The following SDCCAG8 variants were observed in gnomAD, a reference collection of about 807,000 sequenced individuals.
The protein encoded by SDCCAG8 is serologically defined colon cancer antigen 8.
Under a neutral mutation model 101.8 loss-of-function variants are expected in SDCCAG8, and 74 were observed. The ratio of observed to expected loss-of-function variants is 0.73; its 90% CI spans 0.60 to 0.88. The LOEUF (loss-of-function observed/expected upper bound fraction) is 0.88. Ranked by LOEUF, SDCCAG8 falls within the 40% of genes least tolerant of loss-of-function variation. SDCCAG8 has a pLI of 0.00. For synonymous variants in SDCCAG8, 281 were observed against 292.9 expected, an observed-to-expected ratio of 0.96 and a Z score of 0.41; for missense variants, 787 against 822.6, an observed-to-expected ratio of 0.96 and a Z score of 0.53.
chr1:243,361,637 T>C (rs2076716649), intron 12 of SDCCAG8, among the ~76,000 whole-genome samples: 1 of 152,208 alleles, frequency 6.6e-6, no homozygotes, highest in Non-Finnish European at 1.5e-5. Context: ...GTGGTTTGCC[T>C]TTAGCTTCTC....
At chr1:243,303,666 T>C (rs530927115) in intron 6 of SDCCAG8, among the ~76,000 whole-genome samples, 2 of 152,364 alleles carry the variant, frequency 1.3e-5, no homozygotes, top group East Asian at 3.9e-4. Flanking sequence ...TTTCTTGTAA[T>C]AATATAGTAT....
intron 12 of SDCCAG8, among the ~76,000 whole-genome samples, chr1:243,357,365 C>T (rs190028391): frequency 3.2e-4 from 48 of 151,516 alleles, no homozygotes; most frequent in South Asian, 1.0e-3. Context: ...GGCAACAGAG[C>T]GAGACTCTGT....
At chr1:243,429,264 T>C (rs1468691360) in intron 16 of SDCCAG8, among the ~76,000 whole-genome samples, 1 of 152,238 alleles carries the variant, frequency 6.6e-6, no homozygotes, top group East Asian at 1.9e-4. Context: ...ATTTTCTTAA[T>C]ATTTTTTCTA....
At chr1:243,447,782 G>A (rs1297931653) in intron 16 of SDCCAG8, among the ~76,000 whole-genome samples, 1 of 152,112 alleles carries the variant, frequency 6.6e-6, no homozygotes, top group Non-Finnish European at 1.5e-5. Flanking sequence ...TTAAGTTATA[G>A]TTCAAATAAT....
At chr1:243,340,286 G>A (rs2075307713) in intron 10 of SDCCAG8, among the ~76,000 whole-genome samples, 1 of 152,176 alleles carries the variant, frequency 6.6e-6, no homozygotes, top group Admixed American at 6.6e-5. Flanking sequence ...ATGCCATAGT[G>A]ATATTCAAAA....
intron 16 of SDCCAG8, among the ~76,000 whole-genome samples, chr1:243,432,680 A>G (rs902635821): frequency 4.6e-5 from 7 of 152,294 alleles, no homozygotes; most frequent in Non-Finnish European, 1.0e-4. Flanking sequence ...TTTCAAATCT[A>G]TGTTTTAGAG....
chr1:243,267,714 G>A (rs1414978429), intron 1 of SDCCAG8: 6 of 794,194 alleles, frequency 7.6e-6, no homozygotes, highest in Non-Finnish European at 1.2e-5. Flanking sequence ...GTTCCTGTGT[G>A]TGTACATGGT....
chr1:243,400,273 A>T (rs927980635), intron 13 of SDCCAG8, among the ~76,000 whole-genome samples: 4 of 152,220 alleles, frequency 2.6e-5, no homozygotes, highest in African/African-American at 9.6e-5. Flanking sequence ...AAGCTTTTCT[A>T]TCAAATCTCC....
In SDCCAG8 at chr1:243,284,887, A is replaced by AT. The variant is rs34516507; in HGVS notation, c.421-1372dup. ...CCTTCTATGACTGGGTCTTCCTGGA[A>AT]TTTTTTTTTTTTTGAGACGGAGTCT... On this transcript the variant is annotated intron_variant, in intron 4 of 17. Coordinates refer to ENST00000366541, the MANE Select transcript of SDCCAG8 (RefSeq NM_006642.5). 3.4e-3 allele frequency among the ~76,000 whole-genome samples: 504 copies of AT among 146,096 alleles called. 2 individuals are homozygous for AT. Among genetic ancestry groups the AT allele is most frequent in the African/African-American group, 4.7e-3 (188 of 40,176 alleles).
chr1:243,470,482 T>C (rs1661024999), intron 16 of SDCCAG8, among the ~76,000 whole-genome samples: 3 of 142,656 alleles, frequency 2.1e-5, no homozygotes, highest in Admixed American at 1.4e-4. Flanking sequence ...TTCCTTTTCC[T>C]TTTTTTTTTT....
chr1:243,494,721 T>C (rs1237104143), intron 17 of SDCCAG8, among the ~76,000 whole-genome samples: 1 of 152,236 alleles, frequency 6.6e-6, no homozygotes, highest in African/African-American at 2.4e-5. Flanking sequence ...TTCCTTCAGA[T>C]ACATTCACTC....
chr1:243,299,768 A>T (rs959833895), intron 6 of SDCCAG8, among the ~76,000 whole-genome samples: 2 of 151,740 alleles, frequency 1.3e-5, no homozygotes, highest in African/African-American at 4.8e-5. Flanking sequence ...GTGATTATTT[A>T]TACAACTCAG....
At chr1:243,427,992 T>C (rs1327630191) in intron 16 of SDCCAG8, among the ~76,000 whole-genome samples, 2 of 152,208 alleles carry the variant, frequency 1.3e-5, no homozygotes, top group Non-Finnish European at 2.9e-5. Context: ...TAAAGACCAT[T>C]CTTAGCTAGA....
intron 8 of SDCCAG8, among the ~76,000 whole-genome samples, chr1:243,309,362 A>G (rs11809042): frequency 0.27 from 41,627 of 152,122 alleles, 5,840 homozygotes; most frequent in South Asian, 0.47. Flanking sequence ...GAGAAAACCT[A>G]TATAGTACTT....
chr1:243,296,611 C>CCGCTCACTG lies in SDCCAG8; in HGVS notation c.675+3394_675+3402dup, dbSNP rs1339558321. On this transcript the variant is annotated intron_variant, in intron 6 of 17. Transcript: ENST00000366541. ...AGGCGGGAGTGCTGTGGCGCGATCT[C>CCGCTCACTG]CGCTCACTGCAAGCTCCGCCTTCCG... 3.1e-5 allele frequency among the ~76,000 whole-genome samples: 4 copies of CCGCTCACTG among 130,322 alleles called. No individual in the cohort carries two copies. The East Asian group carries it at 9.8e-4, about 32-fold the overall frequency. 85.5% of individuals were successfully genotyped at this position (130,322 alleles called of 152,430 possible).
intron 9 of SDCCAG8, among the ~76,000 whole-genome samples, chr1:243,328,510 C>T (rs1195538072): frequency 2.0e-5 from 3 of 152,124 alleles, no homozygotes; most frequent in Admixed American, 1.3e-4. Context: ...CTCCTGACCT[C>T]AAGCAATCCA....
At chr1:243,476,567 T>C (rs1248135493) in intron 16 of SDCCAG8, among the ~76,000 whole-genome samples, 4 of 152,176 alleles carry the variant, frequency 2.6e-5, no homozygotes, top group Non-Finnish European at 5.9e-5. Flanking sequence ...AAAGTCCCCA[T>C]TCAAACAGAA....
intron 8 of SDCCAG8, among the ~76,000 whole-genome samples, chr1:243,314,773 G>C (rs1051692492): frequency 6.6e-6 from 1 of 152,144 alleles, no homozygotes; most frequent in Non-Finnish European, 1.5e-5. Flanking sequence ...GCAGTGGCAC[G>C]ATCTCAGCTC....
intron 13 of SDCCAG8, among the ~76,000 whole-genome samples, chr1:243,392,687 T>C (rs914666949): frequency 1.3e-5 from 2 of 152,214 alleles, no homozygotes; most frequent in African/African-American, 4.8e-5. Context: ...CAAAGAATTA[T>C]CTGTTAAAAG....
Sources: gnomAD v4.1 joint callset for allele counts (sites outside exome capture counted in the v4.1 genomes callset) on GRCh38, gnomAD v4.1.1 for gene constraint, MANE v1.5 for transcripts, NCBI Gene and HGNC (gene_info 2026-07-23, HGNC 2026-07-21) for gene names.